ITGAD: variants seen among roughly 807,000 people sequenced by gnomAD.
The protein encoded by ITGAD is integrin subunit alpha D.
ITGAD carries 105 observed loss-of-function variants against 139.0 expected under a neutral mutation model. The observed-to-expected ratio is 0.76, with a 90% CI of 0.65 to 0.89. The LOEUF (loss-of-function observed/expected upper bound fraction) is 0.89, where lower values mean the gene tolerates loss of function less well. Among genes scored for constraint, ITGAD ranks in the 40% least tolerant of loss-of-function variants. The probability of loss-of-function intolerance (pLI) is 0.00; values close to 1 mark genes in which losing one functional copy is unlikely to be tolerated. For missense variants in ITGAD, 1,384 were observed against 1,487.3 expected (o/e 0.93, Z 1.14); for synonymous variants, 569 against 598.3 (o/e 0.95, Z 0.71).
intron 17 of ITGAD, 57 bp downstream of exon 17, chr16:31,414,662 A>G: frequency 1.2e-6 from 2 of 1,606,582 alleles, no homozygotes; most frequent in Non-Finnish European, 1.7e-6. Flanking sequence ...GCTGGCCTGG[A>G]GCACCCCCGT....
At chr16:31,417,680 C>T (rs1364665577) in intron 20 of ITGAD, among the ~76,000 whole-genome samples, 3 of 152,118 alleles carry the variant, frequency 2.0e-5, no homozygotes, top group Admixed American at 6.5e-5. Context: ...TGCAGTGGCT[C>T]ACACCTGTAA....
At chr16:31,400,569 T>C (rs1377993632) in intron 5 of ITGAD, among the ~76,000 whole-genome samples, 1 of 152,188 alleles carries the variant, frequency 6.6e-6, no homozygotes, top group African/African-American at 2.4e-5. Context: ...GCCCTCACGA[T>C]TGCAGAGTGA....
intron 23 of ITGAD, among the ~76,000 whole-genome samples, chr16:31,419,985 C>T (rs1312525209): frequency 1.3e-5 from 2 of 152,080 alleles, no homozygotes; most frequent in African/African-American, 4.8e-5. Context: ...CACCACTGTG[C>T]CTTTCCCCCT....
rs183666086 is a variant in ITGAD at position 31,410,886 on chromosome 16, G to A, written c.1356+8G>A. The A allele has an allele frequency of 3.3e-5, 53 of 1,612,576 alleles. No individual in the cohort carries two copies. The African/African-American group carries it at 4.0e-4, about 12-fold the overall frequency. On this transcript the variant is annotated splice_region_variant and intron_variant, in intron 12 of 29. Transcript: ENST00000389202. The stretch of plus-strand genomic sequence containing the variant: ...GAAGTCACAGGGACGCAGGTTGGGC[G>A]TGACAGGAGCCAGAGGGGAGGATGA...
In ITGAD at chr16:31,411,294, C is replaced by T; in HGVS notation, c.1498-14C>T. ...TCACCTGGATTGGGGTCTGACACTGCTTGTGTTCAGCAGAGGGTGCAGTGG... is the reference window on the plus strand; with the variant it reads ...TCACCTGGATTGGGGTCTGACACTGTTTGTGTTCAGCAGAGGGTGCAGTGG... On this transcript the variant is annotated splice_polypyrimidine_tract_variant and intron_variant, in intron 13 of 29. Transcript: ENST00000389202. The T allele has an allele frequency of 6.2e-7, 1 of 1,609,430 alleles. No homozygotes were observed. Among genetic ancestry groups the T allele is most frequent in the Non-Finnish European group, 8.5e-7 (1 of 1,176,802 alleles).
chr16:31,395,118 A>T (rs9927778), intron 2 of ITGAD, among the ~76,000 whole-genome samples: 26 of 152,136 alleles, frequency 1.7e-4, no homozygotes, highest in African/African-American at 6.3e-4. Context: ...GGAGTTTGAG[A>T]CCAGTTTGGC....
chr16:31,420,377 G>A (rs2081984548), intron 23 of ITGAD, among the ~76,000 whole-genome samples: 1 of 151,956 alleles, frequency 6.6e-6, no homozygotes, highest in South Asian at 2.1e-4. Context: ...CTGTAACACT[G>A]CTGTGGGACA....
chr16:31,423,449 C>T lies in ITGAD; in HGVS notation c.2957C>T (p.Ala986Val), dbSNP rs150163548. Residue 986 changes from alanine (A) to valine (V), a missense_variant, in exon 25 of 30, where the codon GCC (alanine) becomes GTC (valine). Coordinates refer to ENST00000389202, the MANE Select transcript of ITGAD (RefSeq NM_005353.3). The part of the protein sequence containing the change: ...GVAVWDVVME[A>V]PSQSLPCVSE... ...GCTGTGTGGGATGTGGTCATGGAGG[C>T]CCCATCTCAGGTACCCGCCTATCTC... The T allele has an allele frequency of 2.6e-3, 4,166 of 1,613,728 alleles. 7 individuals are homozygous for T. The highest frequency in any genetic ancestry group is 3.1e-3 in the Non-Finnish European group (3,690 of 1,179,626).
Position 31,397,641 on chromosome 16 carries a change from C to T in ITGAD, c.287C>T (p.Ala96Val). The T allele has an allele frequency of 6.2e-7, 1 of 1,605,426 alleles. No homozygotes were observed. The highest frequency in any genetic ancestry group is 1.3e-5 in the African/African-American group (1 of 74,884). The change falls in exon 4 of 30, where the codon GCC (alanine) becomes GTC (valine). Residue 96 changes from alanine (A) to valine (V), a missense_variant. By Grantham distance (64) the Ala-to-Val change is moderately conservative. Coordinates refer to ENST00000389202, the MANE Select transcript of ITGAD (RefSeq NM_005353.3). ...VNMSLGLTLA[A>V]STNGSRLLAC... is the part of the protein sequence containing the mutation. ...ATGTCCTTGGGCCTGACCCTGGCAG[C>T]CTCCACCAACGGCTCCCGGCTCCTG...
At position 31,426,202 on chromosome 16, in the gene ITGAD, A is replaced by C. The variant is rs1427246009; in HGVS notation, c.*74A>C. The C allele has an allele frequency of 2.0e-6, 2 of 1,010,822 alleles. No individual in the cohort carries two copies. Among genetic ancestry groups the C allele is most frequent in the Admixed American group, 3.9e-5 (2 of 50,838 alleles). 62.6% of individuals were successfully genotyped at this position (1,010,822 alleles called of 1,614,324 possible). The stretch of plus-strand genomic sequence containing the variant: ...CAACCATAAATCAACTTACATGGAA[A>C]CAACTTCTGCATAGATCTGCACTGG... On this transcript the variant is annotated 3_prime_UTR_variant, in exon 30 of 30. Transcript: ENST00000389202.
intron 7 of ITGAD, chr16:31,404,691 A>G (rs1464902320): frequency 6.6e-6 from 1 of 152,262 alleles, no homozygotes; most frequent in Non-Finnish European, 1.5e-5. Context: ...CCCAGACTGC[A>G]GGAAATTTCC....
chr16:31,420,208 T>C (rs1390362586), intron 23 of ITGAD, among the ~76,000 whole-genome samples: 1 of 151,850 alleles, frequency 6.6e-6, no homozygotes, highest in Non-Finnish European at 1.5e-5. Flanking sequence ...GGGGCAGAGG[T>C]GTGAGAAACT....
intron 12 of ITGAD, 49 bp downstream of exon 12, chr16:31,410,927 G>C (rs374145093): frequency 6.2e-7 from 1 of 1,603,336 alleles, no homozygotes. Flanking sequence ...GGGAGGATGA[G>C]GGTGGGGACA....
intron 5 of ITGAD, among the ~76,000 whole-genome samples, chr16:31,399,864 C>G (rs2454908): frequency 6.6e-6 from 1 of 151,940 alleles, no homozygotes; most frequent in Non-Finnish European, 1.5e-5. Context: ...TCCTGGGTGG[C>G]GGGCAGGCCC....
chr16:31,411,482 G>A lies in ITGAD; in HGVS notation c.1672G>A (p.Ala558Thr). ...GGGTGCTGTCTACCTGTTTCACGGA[G>A]CCTCAGAATCCGGCATCAGCCCCTC... ...NRGAVYLFHGASESGISPSHS... is the reference protein window; with the variant it reads ...NRGAVYLFHGTSESGISPSHS... The change falls in exon 14 of 30, where the codon GCC becomes ACC. Residue 558 changes from alanine to threonine, a missense_variant. Transcript: ENST00000389202. 3 of 1,614,108 alleles carry A rather than the reference G, an allele frequency of 1.9e-6. No homozygotes were observed. The highest frequency in any genetic ancestry group is 1.7e-6 in the Non-Finnish European group (2 of 1,179,994).
chr16:31,410,900 AGGGGAGGATGAGGGT>A (rs746737129), intron 12 of ITGAD, 22 bp downstream of exon 12: 46 of 919,994 alleles, frequency 5.0e-5, no homozygotes, highest in East Asian at 2.6e-4. Flanking sequence ...CAGGAGCCAG[AGGGGAGGATGAGGGT>A]GGGGAGGATG....
At position 31,410,788 on chromosome 16, in the gene ITGAD, G is replaced by A. The variant is rs1319798987; in HGVS notation, c.1266G>A (p.Gly422=). 6.2e-7 allele frequency: 1 copy of A among 1,613,788 alleles called. No individual in the cohort carries two copies. Among genetic ancestry groups the A allele is most frequent in the East Asian group, 2.2e-5 (1 of 44,856 alleles). ...LWKGVQNLVL[G]APRYQHTGKA... Reference sequence around the variant, plus strand: ...AGGGGGTACAGAACCTGGTCCTGGGGGCCCCCCGCTACCAGCATACCGGGA... The same window carrying A: ...AGGGGGTACAGAACCTGGTCCTGGGAGCCCCCCGCTACCAGCATACCGGGA... The change falls in exon 12 of 30, where the codon GGG becomes GGA. Residue 422 remains glycine, a synonymous_variant. Transcript: ENST00000389202.
rs561077549 is a variant in ITGAD, at chr16:31,418,065, C to A, written c.2500-10C>A. The stretch of plus-strand genomic sequence containing the variant: ...CGGGTAACTTCTTAAAATTCATTCT[C>A]CTCCCCTAGAAGCAGCCCCATCAGA... On this transcript the variant is annotated splice_polypyrimidine_tract_variant and intron_variant, in intron 20 of 29. Coordinates refer to ENST00000389202, the MANE Select transcript of ITGAD (RefSeq NM_005353.3). 2 of 1,610,828 alleles carry A rather than the reference C, an allele frequency of 1.2e-6. No homozygotes were observed. The highest frequency in any genetic ancestry group is 1.1e-5 in the South Asian group (1 of 91,028).
chr16:31,397,802 G>C lies in ITGAD; in HGVS notation c.320G>C (p.Gly107Ala). The C allele has an allele frequency of 6.2e-7, 1 of 1,613,224 alleles. No homozygotes were observed. Among genetic ancestry groups the C allele is most frequent in the African/African-American group, 1.3e-5 (1 of 75,050 alleles). ...ACAGGCTTCTGCCTCCAGGCCTGTGGCCCGACCCTGCACAGAGTCTGTGGG... is the reference window on the plus strand; with the variant it reads ...ACAGGCTTCTGCCTCCAGGCCTGTGCCCCGACCCTGCACAGAGTCTGTGGG... ...STNGSRLLAC[G>A]PTLHRVCGEN... The change falls in exon 5 of 30, where the codon GGC (glycine) becomes GCC (alanine). Residue 107 changes from glycine (G) to alanine (A), a missense_variant. Gly to Ala is a moderately conservative substitution (Grantham distance 60). Coordinates refer to ENST00000389202, the MANE Select transcript of ITGAD (RefSeq NM_005353.3).
Sources: gnomAD v4.1 joint callset for allele counts (sites outside exome capture counted in the v4.1 genomes callset) on GRCh38, gnomAD v4.1.1 for gene constraint, MANE v1.5 for transcripts, NCBI Gene and HGNC (gene_info 2026-07-23, HGNC 2026-07-21) for gene names.